Variants in DOCK3 observed in about 807,000 individuals in gnomAD.
The protein encoded by DOCK3 is dedicator of cytokinesis protein 3.
Under a neutral mutation model 265.6 loss-of-function variants are expected in DOCK3, and 60 were observed. That is an observed-to-expected ratio of 0.23 (90% CI 0.18 to 0.28). The LOEUF (loss-of-function observed/expected upper bound fraction) is 0.28. Ranked by LOEUF, DOCK3 falls within the 10% of genes least tolerant of loss-of-function variation. DOCK3 has a pLI of 1.00. For synonymous variants in DOCK3, 881 were observed against 938.0 expected (o/e 0.94, Z 1.11); for missense variants, 1,981 against 2,594.3 (o/e 0.76, Z 5.14).
At chr3:51,287,385 C>CA (rs1446821329) in intron 27 of DOCK3, among the ~76,000 whole-genome samples, 18 of 151,388 alleles carry the variant, frequency 1.2e-4, no homozygotes, top group East Asian at 1.9e-4. Context: ...CCCATCTTGA[C>CA]AAAAAAAATA....
intron 5 of DOCK3, among the ~76,000 whole-genome samples, chr3:51,059,879 A>G (rs988072274): frequency 6.6e-6 from 1 of 152,082 alleles, no homozygotes; most frequent in Non-Finnish European, 1.5e-5. Context: ...CTACTCAAGG[A>G]TTTAACAGCT....
At chr3:51,325,934 G>A (rs1428050295) in intron 32 of DOCK3, among the ~76,000 whole-genome samples, 1 of 152,042 alleles carries the variant, frequency 6.6e-6, no homozygotes, top group Non-Finnish European at 1.5e-5. Context: ...CTAGGGGAGG[G>A]ATAGCATTAG....
intron 5 of DOCK3, among the ~76,000 whole-genome samples, chr3:50,959,994 T>C (rs1200978115): frequency 6.6e-6 from 1 of 152,254 alleles, no homozygotes. Flanking sequence ...CCATGTTGAC[T>C]TCTTTTACTT....
chr3:50,790,799 G>T (rs2042431840), intron 2 of DOCK3, among the ~76,000 whole-genome samples: 1 of 152,028 alleles, frequency 6.6e-6, no homozygotes, highest in Non-Finnish European at 1.5e-5. Context: ...GTGCCTGGGC[G>T]ATGATCTTCC....
intron 1 of DOCK3, among the ~76,000 whole-genome samples, chr3:50,757,351 T>C (rs1235406161): frequency 6.6e-6 from 1 of 151,766 alleles, no homozygotes; most frequent in East Asian, 1.9e-4. Context: ...TTTGTATTTT[T>C]AGTAGAGGCA....
intron 2 of DOCK3, among the ~76,000 whole-genome samples, chr3:50,804,916 G>A (rs377218170): frequency 7.9e-5 from 12 of 152,100 alleles, no homozygotes; most frequent in East Asian, 1.9e-4. Flanking sequence ...CAAATCATGC[G>A]TTGATTTCCC....
intron 4 of DOCK3, among the ~76,000 whole-genome samples, chr3:50,912,556 T>C (rs1210448435): frequency 6.6e-6 from 1 of 152,138 alleles, no homozygotes; most frequent in Non-Finnish European, 1.5e-5. Context: ...CCCAGGTGGG[T>C]CCAGAGGTGA....
chr3:50,681,774 C>T (rs2034432544), intron 1 of DOCK3, among the ~76,000 whole-genome samples: 1 of 152,198 alleles, frequency 6.6e-6, no homozygotes, highest in Non-Finnish European at 1.5e-5. Context: ...TAATATGATT[C>T]TCCCTCTCCC....
chr3:51,171,499 G>A (rs1054949319), intron 12 of DOCK3, among the ~76,000 whole-genome samples: 6 of 151,964 alleles, frequency 3.9e-5, no homozygotes, highest in African/African-American at 9.7e-5. Flanking sequence ...GGCAGATCAC[G>A]AGGTCATGAG....
chr3:51,261,656 C>A (rs2086395), intron 23 of DOCK3, among the ~76,000 whole-genome samples: 11,005 of 152,264 alleles, frequency 0.072, 995 homozygotes, highest in East Asian at 0.32. Flanking sequence ...AAGTTAAGAT[C>A]CACTGGCTTG....
chr3:51,155,120 A>G (rs960412257), intron 10 of DOCK3, among the ~76,000 whole-genome samples: 1 of 151,606 alleles, frequency 6.6e-6, no homozygotes, highest in Non-Finnish European at 1.5e-5. Context: ...GTGGGGCTAT[A>G]GGCGCACACC....
chr3:50,996,766 C>T (rs2078302499), intron 5 of DOCK3, among the ~76,000 whole-genome samples: 1 of 152,126 alleles, frequency 6.6e-6, no homozygotes, highest in Admixed American at 6.5e-5. Flanking sequence ...ACAACAGGAG[C>T]CATGAGCTTT....
intron 14 of DOCK3, among the ~76,000 whole-genome samples, chr3:51,215,791 G>T (rs1652450716): frequency 2.0e-5 from 3 of 152,156 alleles, no homozygotes; most frequent in Admixed American, 2.0e-4. Flanking sequence ...TCTTTTGGAT[G>T]GGAAATGTAG....
At chr3:50,758,764 CCTT>C (rs1399755916) in intron 1 of DOCK3, among the ~76,000 whole-genome samples, 5 of 152,112 alleles carry the variant, frequency 3.3e-5, no homozygotes, top group Admixed American at 6.6e-5. Context: ...TACAGATACT[CCTT>C]CTCTTTTGAT....
At position 50,675,247 on chromosome 3, in the gene DOCK3, CCG is replaced by C; in HGVS notation, c.-13_-12del. 2.5e-6 allele frequency: 3 copies of C among 1,189,988 alleles called. No homozygotes were observed. The highest frequency in any genetic ancestry group is 3.2e-6 in the Non-Finnish European group (3 of 952,252). 73.7% of individuals were successfully genotyped at this position (1,189,988 alleles called of 1,614,324 possible). On this transcript the variant is annotated 5_prime_UTR_variant, in exon 1 of 53. Coordinates refer to ENST00000266037, the MANE Select transcript of DOCK3 (RefSeq NM_004947.5). This position sits in a 1 kb window ranked among gnomAD's most constrained non-coding sequence, Gnocchi z 6.1. ...TCGCCCGGTCGCCGCGCCCGCGGGG[CCG>C]CGCCCGGCACGGCCATGTGGACCCC...
At chr3:50,747,546 T>C (rs551866043) in intron 1 of DOCK3, among the ~76,000 whole-genome samples, 1 of 152,326 alleles carries the variant, frequency 6.6e-6, no homozygotes, top group South Asian at 2.1e-4. Flanking sequence ...AGGTTTTATG[T>C]TAGTTTAAAT....
At chr3:50,820,065 T>C (rs1345109805) in intron 2 of DOCK3, among the ~76,000 whole-genome samples, 1 of 152,214 alleles carries the variant, frequency 6.6e-6, no homozygotes, top group Non-Finnish European at 1.5e-5. Context: ...TCCCCACCCC[T>C]TTCCCAAAAA....
rs2047541550 is a variant in DOCK3, at chr3:50,873,609, G to A, written c.163-16417G>A. Among the ~76,000 whole-genome samples, 7 of 152,148 alleles carry A rather than the reference G, an allele frequency of 4.6e-5. No individual in the cohort carries two copies. The South Asian group carries it at 1.5e-3, about 32-fold the overall frequency. On this transcript the variant is annotated intron_variant, in intron 3 of 52. Transcript: ENST00000266037. ...CTGGCTCAGGGCCTGGTTCACCACT[G>A]GGACTCACCTAGGAGTTACAGTCCT...
chr3:51,346,332 C>CCCTGT (rs1480467542), intron 38 of DOCK3, among the ~76,000 whole-genome samples: 4 of 150,758 alleles, frequency 2.7e-5, no homozygotes, highest in Non-Finnish European at 5.9e-5. Flanking sequence ...ATGTTCCCCA[C>CCCTGT]CCTGTGTCCA....
Sources: gnomAD v4.1 joint callset for allele counts (sites outside exome capture counted in the v4.1 genomes callset) on GRCh38, gnomAD v4.1.1 for gene constraint, Gnocchi (gnomAD v3.1) non-coding constraint, MANE v1.5 for transcripts, NCBI Gene and HGNC (gene_info 2026-07-23, HGNC 2026-07-21) for gene names.